The following MAP3K7CL variants were observed in gnomAD, a reference collection of about 807,000 sequenced individuals.
The protein encoded by MAP3K7CL is MAP3K7 C-terminal like.
A neutral mutation model predicts 18.6 loss-of-function variants in MAP3K7CL; 16 were observed. That is an observed-to-expected ratio of 0.86 (90% CI 0.58 to 1.31). MAP3K7CL has a LOEUF of 1.31. MAP3K7CL is among the 50% of genes most tolerant of loss of function. The pLI is 0.00. For missense variants in MAP3K7CL, 163 were observed against 174.4 expected (o/e 0.93, Z 0.37); for synonymous variants, 65 against 66.8 (o/e 0.97, Z 0.13).
At chr21:29,141,923 A>T (rs2087017411) in intron 2 of MAP3K7CL, among the ~76,000 whole-genome samples, 2 of 152,106 alleles carry the variant, frequency 1.3e-5, no homozygotes, top group African/African-American at 4.8e-5. Flanking sequence ...GGGAATGTGC[A>T]TTGGCTACTT....
intron 1 of MAP3K7CL, among the ~76,000 whole-genome samples, chr21:29,086,774 A>G (rs909574337): frequency 6.6e-6 from 1 of 152,196 alleles, no homozygotes; most frequent in Non-Finnish European, 1.5e-5. Flanking sequence ...CTTGACCCTG[A>G]GTTTTAAAGT....
At chr21:29,162,304 T>C (rs1458987947) in intron 4 of MAP3K7CL, among the ~76,000 whole-genome samples, 1 of 147,844 alleles carries the variant, frequency 6.8e-6, no homozygotes, top group Non-Finnish European at 1.5e-5. Context: ...ATTAAATTTA[T>C]GTGTAGCTTT....
upstream of MAP3K7CL, among the ~76,000 whole-genome samples, chr21:29,083,466 C>G (rs1288479410): frequency 2.0e-5 from 3 of 152,186 alleles, no homozygotes; most frequent in Non-Finnish European, 4.4e-5. Context: ...ACTGTTATCT[C>G]TACTCGATGC....
intron 4 of MAP3K7CL, chr21:29,109,116 C>G: frequency 1.3e-6 from 2 of 1,535,350 alleles, no homozygotes; most frequent in Non-Finnish European, 1.7e-6. Context: ...TGAAGACCAC[C>G]TGGGCCTGAC....
At position 29,130,811 on chromosome 21, in the gene MAP3K7CL, A is replaced by G. The variant is rs943064048; in HGVS notation, c.-152A>G. 4.1e-6 allele frequency: 4 copies of G among 985,456 alleles called. No homozygotes were observed. The African/African-American group carries it at 5.2e-5, about 13-fold the overall frequency. 61.0% of individuals were successfully genotyped at this position (985,456 alleles called of 1,614,324 possible). A position where few individuals can be genotyped will look rare whatever the true frequency, so the allele number is the denominator to read the frequency against. On this transcript the variant is annotated 5_prime_UTR_variant, in exon 1 of 5. It removes an upstream start codon present in the reference 5' UTR. Coordinates refer to ENST00000399928, the MANE Select transcript of MAP3K7CL (RefSeq NM_001286620.2). ...GCTCCTCAGATTGTCAGTGGCTGCT[A>G]TGCAGCAGGTGCAGCCTGGTCTCTC...
intron 3 of MAP3K7CL, among the ~76,000 whole-genome samples, chr21:29,156,351 T>C (rs2087404385): frequency 6.6e-6 from 1 of 152,204 alleles, no homozygotes; most frequent in Non-Finnish European, 1.5e-5. Flanking sequence ...CAGGTATTCT[T>C]TTAAGTTATT....
chr21:29,148,168 T>A (rs1601241981), intron 2 of MAP3K7CL, among the ~76,000 whole-genome samples: 2 of 152,048 alleles, frequency 1.3e-5, no homozygotes, highest in East Asian at 3.8e-4. Context: ...GTACTGTACC[T>A]GTACTGTATG....
rs116380531 is a variant in MAP3K7CL, at chr21:29,079,137, A to C, written c.-49+1424A>C. Among the ~76,000 whole-genome samples the C allele has an allele frequency of 3.6e-3, 552 of 152,352 alleles. 5 individuals carry two copies. Among genetic ancestry groups the C allele is most frequent in the African/African-American group, 0.013 (524 of 41,570 alleles). ...GGTGAAGCAGGAAGACCCACGTCTC[A>C]TCAGAACACTGGAGGTGATGAGAAA... On this transcript the variant is annotated intron_variant, in intron 1 of 7. Transcript: ENST00000341618.
chr21:29,087,096 A>G (rs2085937940), intron 1 of MAP3K7CL, among the ~76,000 whole-genome samples: 1 of 152,122 alleles, frequency 6.6e-6, no homozygotes, highest in South Asian at 2.1e-4. Flanking sequence ...TTCTTGTGAC[A>G]TGCCACACTC....
intron 4 of MAP3K7CL, among the ~76,000 whole-genome samples, chr21:29,166,170 C>G (rs1358765919): frequency 6.6e-6 from 1 of 152,148 alleles, no homozygotes; most frequent in African/African-American, 2.4e-5. Context: ...TCCTACCACC[C>G]TCCCCAACCT....
At chr21:29,120,174 G>C (rs2146586256) in intron 4 of MAP3K7CL, among the ~76,000 whole-genome samples, 1 of 148,468 alleles carries the variant, frequency 6.7e-6, no homozygotes, top group Non-Finnish European at 1.5e-5. Context: ...TTTCCAGTTT[G>C]GGGAATTTTC....
chr21:29,120,829 G>C (rs945387437), intron 4 of MAP3K7CL, among the ~76,000 whole-genome samples: 1 of 151,722 alleles, frequency 6.6e-6, no homozygotes, highest in Non-Finnish European at 1.5e-5. Context: ...ACTTTGGGAG[G>C]CCAAGGTGGG....
At chr21:29,164,973 A>G (rs1002910254) in intron 4 of MAP3K7CL, among the ~76,000 whole-genome samples, 1 of 152,196 alleles carries the variant, frequency 6.6e-6, no homozygotes, top group African/African-American at 2.4e-5. Flanking sequence ...TTTTTCTACA[A>G]CATACCTAGC....
At position 29,148,805 on chromosome 21, in the gene MAP3K7CL, A is replaced by C. The variant is rs528897791; in HGVS notation, c.71-384A>C. 2.6e-5 allele frequency among the ~76,000 whole-genome samples: 4 copies of C among 152,306 alleles called. No homozygotes were observed. The East Asian group carries it at 5.8e-4, about 22-fold the overall frequency. ...AGAACGAATGCTTCTACTTTTCACT[A>C]ACATGTTCTCCTGTCCCATTAAAGT... is the stretch of plus-strand genomic sequence containing the variant. On this transcript the variant is annotated intron_variant, in intron 2 of 4. Transcript: ENST00000399928.
At chr21:29,090,617 G>C (rs147834618) in intron 1 of MAP3K7CL, among the ~76,000 whole-genome samples, 200 of 152,268 alleles carry the variant, frequency 1.3e-3, no homozygotes, top group African/African-American at 4.4e-3. Flanking sequence ...CTGACCTCGT[G>C]ATCCGCCTGC....
chr21:29,166,093 C>T (rs924089768), intron 4 of MAP3K7CL, among the ~76,000 whole-genome samples: 2 of 152,158 alleles, frequency 1.3e-5, no homozygotes, highest in Non-Finnish European at 2.9e-5. Context: ...AGGAGAACAC[C>T]AGAAGTTATT....
chr21:29,097,111 G>A (rs887495213), intron 4 of MAP3K7CL, among the ~76,000 whole-genome samples: 1 of 152,048 alleles, frequency 6.6e-6, no homozygotes, highest in Non-Finnish European at 1.5e-5. Context: ...CACAAGTAGG[G>A]GTAAGGGATA....
chr21:29,128,529 C>T (rs952186266), upstream of MAP3K7CL, among the ~76,000 whole-genome samples: 2 of 151,824 alleles, frequency 1.3e-5, no homozygotes, highest in African/African-American at 2.4e-5. Context: ...GTCTCGATCT[C>T]CTGACCTCAT....
chr21:29,117,032 G>T (rs1215564110), intron 4 of MAP3K7CL, among the ~76,000 whole-genome samples: 1 of 152,178 alleles, frequency 6.6e-6, no homozygotes, highest in Middle Eastern at 3.4e-3. Flanking sequence ...CTTGAGTAAG[G>T]CTTTTTGTGG....
Sources: allele counts gnomAD v4.1 joint callset (sites outside exome capture counted in the v4.1 genomes callset), GRCh38; gene constraint gnomAD v4.1.1; transcripts MANE v1.5; gene names NCBI Gene and HGNC (gene_info 2026-07-23, HGNC 2026-07-21).